FHIT: variants seen among roughly 807,000 people sequenced by gnomAD.
FHIT encodes the protein bis(5'-adenosyl)-triphosphatase.
Under a neutral mutation model 17.9 loss-of-function variants are expected in FHIT, and 19 were observed. That is an observed-to-expected ratio of 1.06 (90% CI 0.74 to 1.56). The LOEUF (loss-of-function observed/expected upper bound fraction) is 1.56, where lower values mean the gene tolerates loss of function less well. Ranked by LOEUF, FHIT falls within the 40% of genes most tolerant of loss-of-function variation. The probability of loss-of-function intolerance (pLI) is 0.00; values close to 1 mark genes in which losing one functional copy is unlikely to be tolerated. For missense variants in FHIT, 248 were observed against 189.2 expected (o/e 1.31, Z -1.82); for synonymous variants, 81 against 69.7 (o/e 1.16, Z -0.81).
intron 2 of FHIT, among the ~76,000 whole-genome samples, chr3:61,175,413 C>T (rs550681637): frequency 6.6e-6 from 1 of 152,260 alleles, no homozygotes; most frequent in South Asian, 2.1e-4. Context: ...CCAGACTGAG[C>T]TCTAGGAAAG....
chr3:61,150,071 G>T (rs935748818), intron 2 of FHIT, among the ~76,000 whole-genome samples: 1 of 152,060 alleles, frequency 6.6e-6, no homozygotes, highest in Non-Finnish European at 1.5e-5. Flanking sequence ...ACAAGTAATT[G>T]TTGAAAATCT....
intron 5 of FHIT, among the ~76,000 whole-genome samples, chr3:60,054,816 G>A (rs6803131): frequency 6.6e-6 from 1 of 152,138 alleles, no homozygotes; most frequent in African/African-American, 2.4e-5. Flanking sequence ...AAATTTTTGG[G>A]TAGAAATGTT....
Position 60,609,494 on chromosome 3 carries a change from T to C in FHIT, c.-17-72515A>G, listed in dbSNP as rs1266015264. Among the ~76,000 whole-genome samples, 3 of 152,140 alleles carry C rather than the reference T, an allele frequency of 2.0e-5. No individual in the cohort carries two copies. In the East Asian group the frequency reaches 5.8e-4, roughly 29 times the overall value. ...GTGTGTGCCACCACACCCAGCTAAA[T>C]TTTTGTATTTTTAGTACAGATGGGG... On this transcript the variant is annotated intron_variant, in intron 4 of 9. Coordinates refer to ENST00000492590, the MANE Select transcript of FHIT (RefSeq NM_002012.4).
At chr3:61,143,767 G>A (rs2037152246) in intron 2 of FHIT, among the ~76,000 whole-genome samples, 1 of 152,166 alleles carries the variant, frequency 6.6e-6, no homozygotes, top group South Asian at 2.1e-4. Flanking sequence ...TCGGGAGACT[G>A]AGACAGGAGA....
intron 6 of FHIT, among the ~76,000 whole-genome samples, chr3:60,013,652 A>G (rs988303114): frequency 6.6e-6 from 1 of 152,218 alleles, no homozygotes; most frequent in African/African-American, 2.4e-5. Context: ...CTGGAATTAG[A>G]GCAGGGCTTA....
chr3:60,726,009 A>G (rs186442153), intron 4 of FHIT, among the ~76,000 whole-genome samples: 6 of 152,328 alleles, frequency 3.9e-5, no homozygotes, highest in Admixed American at 3.9e-4. Flanking sequence ...ATGGCACTGG[A>G]AAGTGGAGGT....
chr3:59,859,574 C>A (rs562419870), intron 8 of FHIT, among the ~76,000 whole-genome samples: 2 of 152,218 alleles, frequency 1.3e-5, no homozygotes, highest in African/African-American at 4.8e-5. Flanking sequence ...AAAAAATTAG[C>A]CAGGCATGGA....
intron 5 of FHIT, among the ~76,000 whole-genome samples, chr3:60,249,949 C>G (rs1460675856): frequency 6.6e-6 from 1 of 152,042 alleles, no homozygotes; most frequent in Admixed American, 6.6e-5. Context: ...GTTTATAAAA[C>G]CATCAGATCT....
At chr3:59,948,242 C>G (rs1290409492) in intron 7 of FHIT, among the ~76,000 whole-genome samples, 1 of 151,378 alleles carries the variant, frequency 6.6e-6, no homozygotes, top group Non-Finnish European at 1.5e-5. Context: ...CAGTAGATCA[C>G]ACATGTAATC....
intron 5 of FHIT, among the ~76,000 whole-genome samples, chr3:60,343,035 A>G (rs1431752558): frequency 6.6e-6 from 1 of 152,198 alleles, no homozygotes; most frequent in Admixed American, 6.5e-5. Flanking sequence ...TGTTTACAAT[A>G]ACAACTGATA....
chr3:60,502,820 T>C (rs572539314), intron 5 of FHIT, among the ~76,000 whole-genome samples: 94 of 152,258 alleles, frequency 6.2e-4, no homozygotes, highest in African/African-American at 2.1e-3. Flanking sequence ...ATATCAAAAA[T>C]GCTATTATAA....
At chr3:60,340,389 G>C (rs996089480) in intron 5 of FHIT, among the ~76,000 whole-genome samples, 1 of 152,118 alleles carries the variant, frequency 6.6e-6, no homozygotes, top group African/African-American at 2.4e-5. Context: ...GTGGTACATT[G>C]CCTCTGATCA....
At chr3:60,477,017 CA>C (rs1382155965) in intron 5 of FHIT, among the ~76,000 whole-genome samples, 1 of 151,928 alleles carries the variant, frequency 6.6e-6, no homozygotes, top group Non-Finnish European at 1.5e-5. Flanking sequence ...TACGTATATA[CA>C]GTTTCGTTTA....
At chr3:61,069,968 G>C (rs1210741125) in intron 2 of FHIT, among the ~76,000 whole-genome samples, 1 of 152,156 alleles carries the variant, frequency 6.6e-6, no homozygotes, top group Non-Finnish European at 1.5e-5. Flanking sequence ...CTGGAATGCA[G>C]TGGTGCGATC....
In FHIT at chr3:59,791,347, A is replaced by G. The variant is rs189687843; in HGVS notation, c.349-39026T>C. 1.3e-3 allele frequency among the ~76,000 whole-genome samples: 199 copies of G among 152,254 alleles called. 1 individual carries two copies. In the Middle Eastern group the frequency reaches 0.014, roughly 10 times the overall value. On this transcript the variant is annotated intron_variant, in intron 8 of 9. Transcript: ENST00000492590. The stretch of plus-strand genomic sequence containing the variant: ...GGGGGTGGGGTGGGGGAAACCCACA[A>G]TCTTTCTACCATAAGCTAGTAGGAT...
chr3:60,225,985 C>G (rs572720826), intron 5 of FHIT, among the ~76,000 whole-genome samples: 1 of 152,198 alleles, frequency 6.6e-6, no homozygotes, highest in African/African-American at 2.4e-5. Flanking sequence ...AGGCTGGGCG[C>G]TCTGTTTATA....
intron 5 of FHIT, among the ~76,000 whole-genome samples, chr3:60,341,281 T>G (rs1430980996): frequency 1.3e-5 from 2 of 152,336 alleles, no homozygotes; most frequent in East Asian, 3.9e-4. Context: ...TGTATTATTT[T>G]GTAATAATAT....
At chr3:61,225,013 C>G (rs1017961760) in intron 1 of FHIT, among the ~76,000 whole-genome samples, 1 of 152,148 alleles carries the variant, frequency 6.6e-6, no homozygotes, top group Non-Finnish European at 1.5e-5. Context: ...CACTGACCTC[C>G]TTAAGAGGTA....
At chr3:61,158,609 C>G (rs547894776) in intron 2 of FHIT, among the ~76,000 whole-genome samples, 1 of 149,476 alleles carries the variant, frequency 6.7e-6, no homozygotes, top group East Asian at 2.1e-4. Context: ...TCCTCACATG[C>G]TCCCTCCTTT....
Sources: allele counts gnomAD v4.1 joint callset (sites outside exome capture counted in the v4.1 genomes callset), GRCh38; gene constraint gnomAD v4.1.1; transcripts MANE v1.5; gene names NCBI Gene and HGNC (gene_info 2026-07-23, HGNC 2026-07-21).